Variants in ERC2 observed in about 807,000 individuals in gnomAD.
ERC2 encodes the protein ERC protein 2.
In ERC2, 42 loss-of-function variants were observed where a neutral mutation model predicts 114.8. The observed-to-expected ratio is 0.37, with a 90% confidence interval of 0.29 to 0.47. ERC2 has a LOEUF of 0.47. Ranked by LOEUF, ERC2 falls within the 20% of genes least tolerant of loss-of-function variation. The pLI is 0.99. For synonymous variants in ERC2, 454 were observed against 425.5 expected (o/e 1.07, Z -0.82); for missense variants, 939 against 1,150.7 (o/e 0.82, Z 2.66).
At chr3:56,249,998 C>A (rs1201383109) in intron 3 of ERC2, among the ~76,000 whole-genome samples, 2 of 151,556 alleles carry the variant, frequency 1.3e-5, no homozygotes, top group Non-Finnish European at 2.9e-5. Flanking sequence ...GCTGGGATTA[C>A]AGGCGCCCGC....
chr3:55,922,382 C>A (rs923493889), intron 13 of ERC2, among the ~76,000 whole-genome samples: 1 of 151,848 alleles, frequency 6.6e-6, no homozygotes, highest in African/African-American at 2.4e-5. Flanking sequence ...GGTTTTGAGG[C>A]TTTGGAGCCT....
intron 2 of ERC2, among the ~76,000 whole-genome samples, chr3:56,364,580 A>T (rs1308865230): frequency 6.6e-6 from 1 of 152,246 alleles, no homozygotes; most frequent in Non-Finnish European, 1.5e-5. Flanking sequence ...AGATTCTCCT[A>T]ACTGCTAACA....
chr3:56,325,560 A>G (rs2057324002), intron 2 of ERC2, among the ~76,000 whole-genome samples: 1 of 152,244 alleles, frequency 6.6e-6, no homozygotes. Flanking sequence ...GATGTCTTCT[A>G]TACATTGTAA....
chr3:56,252,535 G>T (rs1021806712), intron 3 of ERC2, among the ~76,000 whole-genome samples: 1 of 152,046 alleles, frequency 6.6e-6, no homozygotes, highest in Non-Finnish European at 1.5e-5. Flanking sequence ...TGGGCAGATT[G>T]CCTGAGGTCA....
chr3:56,010,629 T>C lies in ERC2; in HGVS notation c.1780-40A>G, dbSNP rs1216911573. The C allele has an allele frequency of 3.8e-6, 6 of 1,599,910 alleles. No homozygotes were observed. The African/African-American group carries it at 6.7e-5, about 18-fold the overall frequency. ...ACAAAAAAGAAGAGGTGAGAACCCA[T>C]CAGTGTATATGCCAAAGCATACTGT... On this transcript the variant is annotated intron_variant, in intron 8 of 17. Coordinates refer to ENST00000288221, the MANE Select transcript of ERC2 (RefSeq NM_015576.3).
At chr3:56,275,626 C>A (rs898547978) in intron 3 of ERC2, among the ~76,000 whole-genome samples, 16 of 152,220 alleles carry the variant, frequency 1.1e-4, no homozygotes, top group African/African-American at 3.6e-4. Flanking sequence ...GTCCACAGGT[C>A]TCTTGAAGAT....
At chr3:56,065,795 G>A (rs1043694185) in intron 7 of ERC2, among the ~76,000 whole-genome samples, 2 of 152,006 alleles carry the variant, frequency 1.3e-5, no homozygotes, top group Non-Finnish European at 2.9e-5. Context: ...GAGTATATGT[G>A]GTGTTTGGTT....
chr3:56,352,739 G>A (rs982815337), intron 2 of ERC2, among the ~76,000 whole-genome samples: 3 of 152,106 alleles, frequency 2.0e-5, no homozygotes, highest in Admixed American at 6.5e-5. Context: ...AAGTTCAACT[G>A]GGGAAGGCTC....
At chr3:56,233,824 G>A (rs914032628) in intron 3 of ERC2, among the ~76,000 whole-genome samples, 3 of 152,106 alleles carry the variant, frequency 2.0e-5, no homozygotes, top group African/African-American at 4.8e-5. Flanking sequence ...TTCAAAGCCA[G>A]CAATCACATC....
chr3:55,787,134 G>A (rs1002178592), intron 14 of ERC2, among the ~76,000 whole-genome samples: 13 of 152,228 alleles, frequency 8.5e-5, no homozygotes, highest in Non-Finnish European at 1.5e-4. Flanking sequence ...AGTATGTGTC[G>A]GCTGGGGGGC....
chr3:55,745,624 A>G (rs535255122), intron 14 of ERC2, among the ~76,000 whole-genome samples: 147 of 152,334 alleles, frequency 9.6e-4, no homozygotes, highest in African/African-American at 3.0e-3. Flanking sequence ...AAATACACCT[A>G]ACCAGAATCT....
At chr3:55,861,065 G>A (rs907259380) in intron 14 of ERC2, among the ~76,000 whole-genome samples, 5 of 152,182 alleles carry the variant, frequency 3.3e-5, no homozygotes, top group African/African-American at 4.8e-5. Flanking sequence ...AACTGTGCTC[G>A]TTGACAAAAC....
At chr3:55,549,295 G>C (rs1002806077) in intron 17 of ERC2, among the ~76,000 whole-genome samples, 1 of 151,938 alleles carries the variant, frequency 6.6e-6, no homozygotes, top group Non-Finnish European at 1.5e-5. Context: ...AAAAAAAAAG[G>C]CCTCTATGAA....
intron 12 of ERC2, among the ~76,000 whole-genome samples, chr3:55,962,279 G>T (rs2068440116): frequency 6.6e-6 from 1 of 152,186 alleles, no homozygotes; most frequent in Non-Finnish European, 1.5e-5. Context: ...CTGGAAAAGT[G>T]GTCAGCAATC....
chr3:55,761,240 A>G (rs2067410020), intron 14 of ERC2, among the ~76,000 whole-genome samples: 1 of 152,256 alleles, frequency 6.6e-6, no homozygotes, highest in African/African-American at 2.4e-5. Context: ...GCCAGAGAGT[A>G]AACATTTTAA....
chr3:56,132,735 C>A (rs2080279076), intron 6 of ERC2, among the ~76,000 whole-genome samples: 1 of 152,148 alleles, frequency 6.6e-6, no homozygotes, highest in South Asian at 2.1e-4. Flanking sequence ...TCAGAGAGAA[C>A]AAAGTCATAC....
intron 13 of ERC2, among the ~76,000 whole-genome samples, chr3:55,926,524 G>T (rs2149393629): frequency 6.6e-6 from 1 of 152,106 alleles, no homozygotes; most frequent in Admixed American, 6.5e-5. Flanking sequence ...CAGGCTCCTG[G>T]TCTTCCAGTT....
Position 56,434,431 on chromosome 3 carries a change from C to G in ERC2, c.577G>C (p.Glu193Gln). 1 of 1,613,986 alleles carries G rather than the reference C, an allele frequency of 6.2e-7. No individual in the cohort carries two copies. Among genetic ancestry groups the G allele is most frequent in the Non-Finnish European group, 8.5e-7 (1 of 1,179,904 alleles). The stretch of plus-strand genomic sequence containing the variant: ...GCCTCTTCTTTCCTCAAGACTCTCT[C>G]CTTCTTAAGCTCAGGACTCCAGAAA... ...KTFWSPELKK[E>Q]RVLRKEEAAR... Residue 193 changes from glutamate (E) to glutamine (Q), a missense_variant, in exon 2 of 18, where the codon GAG becomes CAG. Glu to Gln is a conservative substitution (Grantham distance 29). Transcript: ENST00000288221.
chr3:56,323,744 G>A (rs569193593), intron 2 of ERC2, among the ~76,000 whole-genome samples: 1 of 152,194 alleles, frequency 6.6e-6, no homozygotes, highest in East Asian at 1.9e-4. Context: ...GAATATCTAA[G>A]GGCAGCCAGC....
Sources: allele counts gnomAD v4.1 joint callset (sites outside exome capture counted in the v4.1 genomes callset), GRCh38; gene constraint gnomAD v4.1.1; transcripts MANE v1.5; gene names NCBI Gene and HGNC (gene_info 2026-07-23, HGNC 2026-07-21).